WDR75: variants seen among roughly 807,000 people sequenced by gnomAD.
WDR75 encodes WD repeat-containing protein 75.
WDR75 carries 52 observed loss-of-function variants against 106.1 expected under a neutral mutation model. That is an observed-to-expected ratio of 0.49 (90% CI 0.39 to 0.62). The LOEUF (loss-of-function observed/expected upper bound fraction) is 0.62. WDR75 is among the 20% of genes least tolerant of loss of function. The pLI, the probability that WDR75 is intolerant of heterozygous loss-of-function variation, is 0.00. For missense variants in WDR75, 905 were observed against 970.3 expected (o/e 0.93, Z 0.89); for synonymous variants, 333 against 335.5 (o/e 0.99, Z 0.08).
chr2:189,468,002 G>C (rs1172218558), intron 14 of WDR75, among the ~76,000 whole-genome samples: 1 of 152,140 alleles, frequency 6.6e-6, no homozygotes, highest in Non-Finnish European at 1.5e-5. Flanking sequence ...TTTCCGAGAG[G>C]TGCAGGGGAA....
rs114447528 is a variant in WDR75 at position 189,447,072 on chromosome 2, T to G, written c.87-1307T>G. Among the ~76,000 whole-genome samples the G allele has an allele frequency of 4.3e-3, 652 of 152,304 alleles. 2 individuals are homozygous for G. Among genetic ancestry groups the G allele is most frequent in the African/African-American group, 0.015 (635 of 41,558 alleles). On this transcript the variant is annotated intron_variant, in intron 1 of 20. Transcript: ENST00000314761. The stretch of plus-strand genomic sequence containing the variant: ...AGAATGGCATACAATTTTAAACTTA[T>G]GAATTGTTTCTGGAATTTTCCATTT...
chr2:189,457,794 A>G (rs1008375929), intron 6 of WDR75, among the ~76,000 whole-genome samples: 2 of 152,192 alleles, frequency 1.3e-5, no homozygotes, highest in African/African-American at 2.4e-5. Flanking sequence ...TTTAAAATAG[A>G]GATAATATCT....
intron 18 of WDR75, among the ~76,000 whole-genome samples, chr2:189,473,551 T>C (rs996290913): frequency 1.3e-5 from 2 of 151,980 alleles, no homozygotes; most frequent in Non-Finnish European, 2.9e-5. Context: ...GATATGAAGA[T>C]ACCACCACCA....
At position 189,455,462 on chromosome 2, in the gene WDR75, C is replaced by T. The variant is rs766190814; in HGVS notation, c.498+18C>T. 6.3e-6 allele frequency: 10 copies of T among 1,599,246 alleles called. No homozygotes were observed. Among genetic ancestry groups the T allele is most frequent in the African/African-American group, 1.4e-5 (1 of 73,960 alleles). ...GAAACGAGGTAAATTTTGTTTTGTT[C>T]GTTTTCTGTTTTGTACCTAAAATTT... is the stretch of plus-strand genomic sequence containing the variant. On this transcript the variant is annotated intron_variant, in intron 5 of 20. Coordinates refer to ENST00000314761, the MANE Select transcript of WDR75 (RefSeq NM_032168.3).
chr2:189,466,646 A>T, intron 13 of WDR75, 64 bp downstream of exon 13: 2 of 1,497,906 alleles, frequency 1.3e-6, no homozygotes, highest in Non-Finnish European at 1.8e-6. Context: ...TCTTTTTCTC[A>T]TGACTTGTAT....
intron 8 of WDR75, among the ~76,000 whole-genome samples, chr2:189,461,013 CTA>C (rs1375587897): frequency 6.6e-6 from 1 of 152,140 alleles, no homozygotes; most frequent in Non-Finnish European, 1.5e-5. Context: ...CATATATGAA[CTA>C]TATGCACAAT....
intron 13 of WDR75, 79 bp from the exon 14 acceptor site, chr2:189,467,389 A>G (rs1044899447): frequency 7.0e-7 from 1 of 1,436,618 alleles, no homozygotes; most frequent in Admixed American, 2.3e-5. Context: ...CCCTCAGATA[A>G]TGGGAAACTA....
Position 189,468,407 on chromosome 2 carries a change from C to T in WDR75, c.1629-68C>T. On this transcript the variant is annotated intron_variant, in intron 14 of 20. Transcript: ENST00000314761. ...CATTACATAGAACAGCCGCTGGAAG[C>T]CTGCAGTTCTTTGTAACTGAATTTG... 7.2e-6 allele frequency: 10 copies of T among 1,395,134 alleles called. No individual in the cohort carries two copies. In the South Asian group the frequency reaches 1.2e-4, roughly 16 times the overall value. 86.4% of individuals were successfully genotyped at this position (1,395,134 alleles called of 1,614,324 possible).
chr2:189,444,795 T>G (rs983759397), intron 1 of WDR75, among the ~76,000 whole-genome samples: 1 of 152,188 alleles, frequency 6.6e-6, no homozygotes, highest in Admixed American at 6.5e-5. Context: ...CCCAACTGTT[T>G]CCTGATACTA....
At chr2:189,442,309 T>C (rs1487624464) in intron 1 of WDR75, among the ~76,000 whole-genome samples, 2 of 152,154 alleles carry the variant, frequency 1.3e-5, no homozygotes, top group African/African-American at 4.8e-5. Flanking sequence ...TATGTAGCTG[T>C]AATCATTATT....
chr2:189,475,013 G>GGGCTT (rs1687185737), intron 20 of WDR75, among the ~76,000 whole-genome samples, 200 bp from the exon 21 acceptor site: 1 of 152,130 alleles, frequency 6.6e-6, no homozygotes, highest in African/African-American at 2.4e-5. Flanking sequence ...TGTGTTTTAA[G>GGGCTT]GGCTTGGTAC....
chr2:189,450,773 ACT>A, intron 2 of WDR75, 128 bp from the exon 3 acceptor site: 1 of 1,468,062 alleles, frequency 6.8e-7, no homozygotes, highest in Non-Finnish European at 8.9e-7. Context: ...TAAATAAATG[ACT>A]CTACCTCTTT....
At chr2:189,446,549 G>A (rs1403502352) in intron 1 of WDR75, among the ~76,000 whole-genome samples, 1 of 152,146 alleles carries the variant, frequency 6.6e-6, no homozygotes, top group Non-Finnish European at 1.5e-5. Flanking sequence ...ATTATAAGAT[G>A]CATTCTAATT....
At chr2:189,457,251 AG>A in intron 5 of WDR75, 59 bp from the exon 6 acceptor site, 13 of 1,189,278 alleles carry the variant, frequency 1.1e-5, no homozygotes, top group Admixed American at 8.5e-5. Flanking sequence ...CAAAAAAAAA[AG>A]AAAAAAAAAA....
At chr2:189,441,728 T>C (rs997993441) in intron 1 of WDR75, 150 bp downstream of exon 1, 13 of 855,904 alleles carry the variant, frequency 1.5e-5, no homozygotes, top group Non-Finnish European at 2.4e-5. Context: ...ATCCCCAGGG[T>C]ACCTGGGAGG....
chr2:189,470,098 G>A lies in WDR75; in HGVS notation c.1842G>A (p.Glu614=). Residue 614 remains glutamate (E), a synonymous_variant, in exon 17 of 21, where the codon GAG becomes GAA. Transcript: ENST00000314761. ...GSDLFVFKPS[E]PRPLYIQKGI... Reference sequence around the variant, plus strand: ...TAGTGTTTGTATTTAAACCTAGTGAGCCAAGGCCATTGTATATTCAAAAGG... The same window carrying A: ...TAGTGTTTGTATTTAAACCTAGTGAACCAAGGCCATTGTATATTCAAAAGG... 1 of 1,612,328 alleles carries A rather than the reference G, an allele frequency of 6.2e-7. No homozygotes were observed. Among genetic ancestry groups the A allele is most frequent in the Non-Finnish European group, 8.5e-7 (1 of 1,179,152 alleles).
intron 1 of WDR75, among the ~76,000 whole-genome samples, chr2:189,444,104 T>C (rs1686444309): frequency 6.6e-6 from 1 of 152,076 alleles, no homozygotes; most frequent in African/African-American, 2.4e-5. Context: ...AGATTTTTTT[T>C]TTGTCATCTA....
chr2:189,445,378 G>A (rs1434838089), intron 1 of WDR75, among the ~76,000 whole-genome samples: 1 of 152,180 alleles, frequency 6.6e-6, no homozygotes, highest in Non-Finnish European at 1.5e-5. Flanking sequence ...AATGCCTTGT[G>A]GTAAGTTCTG....
intron 16 of WDR75, among the ~76,000 whole-genome samples, chr2:189,469,777 A>G (rs1255522563): frequency 1.3e-5 from 2 of 152,136 alleles, no homozygotes; most frequent in East Asian, 1.9e-4. Flanking sequence ...TCTCATTTCT[A>G]GTACTTACAG....
Sources: allele counts gnomAD v4.1 joint callset (sites outside exome capture counted in the v4.1 genomes callset), GRCh38; gene constraint gnomAD v4.1.1; transcripts MANE v1.5; gene names NCBI Gene and HGNC (gene_info 2026-07-23, HGNC 2026-07-21).